The following BMP6 variants were observed in gnomAD, a reference collection of about 807,000 sequenced individuals.
BMP6 encodes bone morphogenetic protein 6.
In BMP6, 17 loss-of-function variants were observed where a neutral mutation model predicts 54.1. The ratio of observed to expected loss-of-function variants is 0.31; its 90% CI spans 0.22 to 0.47. The LOEUF is 0.47. Ranked by LOEUF, BMP6 falls within the 20% of genes least tolerant of loss-of-function variation. The pLI, the probability that BMP6 is intolerant of heterozygous loss-of-function variation, is 1.00. For synonymous variants in BMP6, 328 were observed against 291.2 expected (o/e 1.13, Z -1.28); for missense variants, 720 against 690.4 (o/e 1.04, Z -0.48).
Position 7,861,513 on chromosome 6 carries a change from A to G in BMP6, c.920A>G (p.Glu307Gly). 1 of 1,614,164 alleles carries G rather than the reference A, an allele frequency of 6.2e-7. No homozygotes were observed. The highest frequency in any genetic ancestry group is 8.5e-7 in the Non-Finnish European group (1 of 1,180,038). Residue 307 changes from glutamate to glycine, a missense_variant, in exon 3 of 7, where the codon GAA (glutamate) becomes GGA (glycine). By Grantham distance (98) the Glu-to-Gly change is moderately conservative. This residue lies in a region of BMP6 where 650 missense variants were observed against 556.3 expected (regional missense o/e 1.17). Transcript: ENST00000283147. ...VVWASEEGWLEFDITATSNLW... is the reference protein window; with the variant it reads ...VVWASEEGWLGFDITATSNLW... ...TGGGCCTCAGAAGAAGGCTGGCTGG[A>G]ATTTGACATCACGGCCACTAGCAAT...
intron 2 of BMP6, among the ~76,000 whole-genome samples, chr6:7,858,836 G>A (rs572257511): frequency 6.7e-6 from 1 of 149,566 alleles, no homozygotes; most frequent in East Asian, 2.0e-4. Flanking sequence ...AGCCTTCCTC[G>A]CTGCCATAGG....
rs1306663830 is a variant in BMP6 at position 7,727,576 on chromosome 6, C to T, written c.621C>T (p.Ala207=). The T allele has an allele frequency of 6.3e-7, 1 of 1,583,508 alleles. No homozygotes were observed. Among genetic ancestry groups the T allele is most frequent in the Non-Finnish European group, 8.5e-7 (1 of 1,173,670 alleles). The change falls in exon 1 of 7, where the codon GCC becomes GCT. Residue 207 remains alanine (A), a synonymous_variant. Transcript: ENST00000283147. ...CACTGACCAGCGCGCAGGACAGCGC[C>T]TTCCTCAACGACGCGGACATGGTCA... ...ASPLTSAQDS[A]FLNDADMVMS...
At chr6:7,753,798 T>C (rs1038187446) in intron 1 of BMP6, among the ~76,000 whole-genome samples, 1 of 152,232 alleles carries the variant, frequency 6.6e-6, no homozygotes, top group East Asian at 1.9e-4. Flanking sequence ...GTGCTTTCTA[T>C]TTGCATTCAG....
At chr6:7,789,322 C>T (rs983096407) in intron 1 of BMP6, among the ~76,000 whole-genome samples, 2 of 152,180 alleles carry the variant, frequency 1.3e-5, no homozygotes, top group African/African-American at 4.8e-5. Flanking sequence ...ATGTAATCTA[C>T]TTTTAAGAAT....
chr6:7,815,909 T>C (rs995188787), intron 1 of BMP6, among the ~76,000 whole-genome samples: 2 of 152,168 alleles, frequency 1.3e-5, no homozygotes, highest in African/African-American at 2.4e-5. Context: ...CATAGTAGCA[T>C]TGTAGAAATA....
chr6:7,757,872 A>G (rs1279607706), intron 1 of BMP6, among the ~76,000 whole-genome samples: 1 of 152,208 alleles, frequency 6.6e-6, no homozygotes, highest in East Asian at 1.9e-4. Context: ...GGCAGTGAGA[A>G]AATTCCATCT....
chr6:7,841,188 A>AAG (rs1268395510), intron 1 of BMP6, among the ~76,000 whole-genome samples: 1 of 152,244 alleles, frequency 6.6e-6, no homozygotes, highest in East Asian at 1.9e-4. Context: ...TCATATAGGT[A>AAG]AGAAAAAAGC....
At chr6:7,869,602 C>T (rs1414745940) in intron 4 of BMP6, among the ~76,000 whole-genome samples, 3 of 152,142 alleles carry the variant, frequency 2.0e-5, no homozygotes, top group Non-Finnish European at 2.9e-5. Context: ...TTCAGTTTGC[C>T]TTGGGACGAT....
chr6:7,833,449 A>G (rs1191375412), intron 1 of BMP6, among the ~76,000 whole-genome samples: 2 of 152,066 alleles, frequency 1.3e-5, no homozygotes, highest in Non-Finnish European at 2.9e-5. Context: ...TAGAGGGGGG[A>G]AAGATGAGTA....
chr6:7,767,398 CTT>C (rs1054070274), intron 1 of BMP6, among the ~76,000 whole-genome samples: 3 of 152,116 alleles, frequency 2.0e-5, no homozygotes, highest in African/African-American at 7.2e-5. Flanking sequence ...GGGTTGGTCT[CTT>C]TGAGTTTCTT....
At chr6:7,845,879 C>A (rs1367110192) in intron 2 of BMP6, among the ~76,000 whole-genome samples, 1 of 151,952 alleles carries the variant, frequency 6.6e-6, no homozygotes, top group East Asian at 1.9e-4. Flanking sequence ...CAAGGCCAGA[C>A]CATTTTACAA....
chr6:7,727,109 C>G lies in BMP6; in HGVS notation c.154C>G (p.Arg52Gly), dbSNP rs1761741298. ...QLLGDGGSPGRTEQPPPSPQS... is the reference protein window; with the variant it reads ...QLLGDGGSPGGTEQPPPSPQS... ...GCTGGGGGACGGCGGGAGCCCCGGCCGCACGGAGCAGCCGCCGCCGTCGCC... is the reference window on the plus strand; with the variant it reads ...GCTGGGGGACGGCGGGAGCCCCGGCGGCACGGAGCAGCCGCCGCCGTCGCC... Residue 52 changes from arginine to glycine, a missense_variant, in exon 1 of 7, where the codon CGC becomes GGC. Physicochemically the swap from Arg to Gly is moderately radical, Grantham distance 125. Transcript: ENST00000283147. 1.4e-6 allele frequency: 2 copies of G among 1,436,244 alleles called. No individual in the cohort carries two copies. Among genetic ancestry groups the G allele is most frequent in the East Asian group, 3.0e-5 (1 of 32,876 alleles). The allele number at this position is 1,436,244 out of a possible 1,614,324, so 89.0% of individuals were successfully genotyped here.
At chr6:7,833,755 A>C (rs1265797528) in intron 1 of BMP6, among the ~76,000 whole-genome samples, 3 of 152,206 alleles carry the variant, frequency 2.0e-5, no homozygotes, top group Non-Finnish European at 4.4e-5. Context: ...ATGCTTTGTA[A>C]ACTCTTCAGA....
chr6:7,879,022 G>T (rs1304875759), intron 4 of BMP6, 52 bp from the exon 5 acceptor site: 92 of 1,538,678 alleles, frequency 6.0e-5, no homozygotes, highest in Non-Finnish European at 3.1e-5. Context: ...AGGAATTAAT[G>T]AGTTGATGGG....
chr6:7,741,917 C>T (rs1168350780), intron 1 of BMP6, among the ~76,000 whole-genome samples: 23 of 152,368 alleles, frequency 1.5e-4, no homozygotes, highest in Non-Finnish European at 8.8e-5. Context: ...TCATCTTTGA[C>T]ACATCCCTCC....
Position 7,861,466 on chromosome 6 carries a change from T to A in BMP6, c.873T>A (p.Phe291Leu). 6.2e-7 allele frequency: 1 copy of A among 1,614,118 alleles called. No homozygotes were observed. Among genetic ancestry groups the A allele is most frequent in the East Asian group, 2.2e-5 (1 of 44,886 alleles). Residue 291 changes from phenylalanine to leucine, a missense_variant, in exon 3 of 7, where the codon TTT (phenylalanine) becomes TTA (leucine). Transcript: ENST00000283147. ...QEHQHRDSDL[F>L]LLDTRVVWAS... ...TTTCTTTCAGAGACTCTGACCTGTT[T>A]TTGTTGGACACCCGTGTAGTATGGG... is the stretch of plus-strand genomic sequence containing the variant.
chr6:7,861,828 G>A (rs1410019303), intron 3 of BMP6, among the ~76,000 whole-genome samples: 1 of 152,202 alleles, frequency 6.6e-6, no homozygotes, highest in Non-Finnish European at 1.5e-5. Flanking sequence ...GAGTGGTAAT[G>A]TTTCCAAGAG....
At chr6:7,836,256 C>T (rs1476943962) in intron 1 of BMP6, among the ~76,000 whole-genome samples, 1 of 151,882 alleles carries the variant, frequency 6.6e-6, no homozygotes, top group African/African-American at 2.4e-5. Context: ...TATGTAGGTG[C>T]CTAGTGTCCT....
intron 1 of BMP6, among the ~76,000 whole-genome samples, chr6:7,729,807 C>A (rs1265648173): frequency 6.6e-6 from 1 of 152,106 alleles, no homozygotes; most frequent in East Asian, 1.9e-4. Flanking sequence ...CTTAAAAAAA[C>A]CCAGATGCCC....
Sources: allele counts gnomAD v4.1 joint callset (sites outside exome capture counted in the v4.1 genomes callset), GRCh38; gene constraint gnomAD v4.1.1; regional missense constraint gnomAD v4.1.1; transcripts MANE v1.5; gene names NCBI Gene and HGNC (gene_info 2026-07-23, HGNC 2026-07-21).